MAST4: variants seen among roughly 807,000 people sequenced by gnomAD.
The protein encoded by MAST4 is microtubule-associated serine/threonine-protein kinase 4.
Under a neutral mutation model 162.7 loss-of-function variants are expected in MAST4, and 89 were observed. That is an observed-to-expected ratio of 0.55 (90% CI 0.46 to 0.65). The LOEUF (loss-of-function observed/expected upper bound fraction) is 0.65, where lower values mean the gene tolerates loss of function less well. Among genes scored for constraint, MAST4 ranks in the 30% least tolerant of loss-of-function variants. MAST4 has a pLI of 0.00. For missense variants in MAST4, 3,153 were observed against 3,374.0 expected, an observed-to-expected ratio of 0.93 and a Z score of 1.62; for synonymous variants, 1,479 against 1,361.1, an observed-to-expected ratio of 1.09 and a Z score of -1.91.
chr5:66,837,790 A>G (rs975386140), intron 3 of MAST4, among the ~76,000 whole-genome samples: 5 of 149,128 alleles, frequency 3.4e-5, no homozygotes, highest in African/African-American at 7.4e-5. Flanking sequence ...ATCCAAATGT[A>G]AGGTTTGACA....
At chr5:66,930,545 T>C (rs1051719362) in intron 4 of MAST4, among the ~76,000 whole-genome samples, 3 of 152,116 alleles carry the variant, frequency 2.0e-5, no homozygotes, top group African/African-American at 7.2e-5. Flanking sequence ...AGAACAAAGG[T>C]AAAGGATTTG....
chr5:66,930,305 C>G (rs1742041816), intron 4 of MAST4, among the ~76,000 whole-genome samples: 1 of 152,184 alleles, frequency 6.6e-6, no homozygotes, highest in Non-Finnish European at 1.5e-5. Flanking sequence ...AACATCTTGG[C>G]AGTAAAACAC....
chr5:66,747,128 G>GTA (rs934430850), intron 1 of MAST4, among the ~76,000 whole-genome samples: 7 of 144,780 alleles, frequency 4.8e-5, no homozygotes, highest in African/African-American at 1.6e-4. Flanking sequence ...GTGTGTGTGT[G>GTA]TGTATGTATG....
At chr5:67,028,004 G>T (rs1321742027) in intron 4 of MAST4, among the ~76,000 whole-genome samples, 1 of 152,188 alleles carries the variant, frequency 6.6e-6, no homozygotes, top group Non-Finnish European at 1.5e-5. Flanking sequence ...CTACCTTCTT[G>T]AACGCTTGCA....
chr5:66,631,442 T>G lies in MAST4; in HGVS notation c.363+34424T>G, dbSNP rs547519525. The stretch of plus-strand genomic sequence containing the variant: ...AAAATCTGAATCTCTTATTTCAATA[T>G]TGGGTCTTGCTGAGGAGGTAAGACA... On this transcript the variant is annotated intron_variant, in intron 1 of 28. Coordinates refer to ENST00000403625, the MANE Select transcript of MAST4 (RefSeq NM_001164664.2). Among the ~76,000 whole-genome samples the G allele has an allele frequency of 6.6e-5, 10 of 152,304 alleles. No homozygotes were observed. In the South Asian group the frequency reaches 2.1e-3, roughly 32 times the overall value.
At position 67,166,852 on chromosome 5, in the gene MAST4, G is replaced by A; in HGVS notation, c.7673G>A (p.Gly2558Glu). 1 of 1,606,106 alleles carries A rather than the reference G, an allele frequency of 6.2e-7. No individual in the cohort carries two copies. Among genetic ancestry groups the A allele is most frequent in the African/African-American group, 1.3e-5 (1 of 74,768 alleles). The change falls in exon 29 of 29, where the codon GGG (glycine) becomes GAG (glutamate). Residue 2558 changes from glycine to glutamate, a missense_variant. Coordinates refer to ENST00000403625, the MANE Select transcript of MAST4 (RefSeq NM_001164664.2). ...GCTCTCTCGGTGACTGCCACCGTAG[G>A]GGAAACCAAAGGGAAGGACCCTGCC... The part of the protein sequence containing the change: ...DRALSVTATV[G>E]ETKGKDPAPA...
chr5:66,673,913 A>G (rs1747788182), intron 1 of MAST4, among the ~76,000 whole-genome samples: 1 of 152,232 alleles, frequency 6.6e-6, no homozygotes, highest in African/African-American at 2.4e-5. Context: ...GTGGTCATCT[A>G]CATGAAACTA....
intron 23 of MAST4, among the ~76,000 whole-genome samples, chr5:67,146,288 A>G (rs1194993795): frequency 6.6e-6 from 1 of 152,232 alleles, no homozygotes; most frequent in Non-Finnish European, 1.5e-5. Flanking sequence ...TATATCATGG[A>G]TACTTGCTGG....
chr5:66,951,009 T>C (rs1469291544), intron 4 of MAST4, among the ~76,000 whole-genome samples: 2 of 152,208 alleles, frequency 1.3e-5, no homozygotes, highest in African/African-American at 4.8e-5. Flanking sequence ...TAGTGTTTTG[T>C]CATGTGAATG....
At chr5:66,785,857 T>A in intron 2 of MAST4, among the ~76,000 whole-genome samples, 1 of 152,176 alleles carries the variant, frequency 6.6e-6, no homozygotes, top group Non-Finnish European at 1.5e-5. Context: ...AATTATTTTG[T>A]TTTGTATTAT....
intron 12 of MAST4, chr5:67,115,200 T>G (rs1159271096): frequency 2.0e-5 from 3 of 152,204 alleles, no homozygotes; most frequent in Non-Finnish European, 1.5e-5. Flanking sequence ...TGTTCATGAT[T>G]GTTTAGGATT....
intron 4 of MAST4, among the ~76,000 whole-genome samples, chr5:67,041,930 G>A (rs1270819740): frequency 6.6e-6 from 1 of 152,176 alleles, no homozygotes; most frequent in Non-Finnish European, 1.5e-5. Context: ...GCCTAGCCAT[G>A]ATTATTGATA....
At chr5:66,638,472 G>A (rs1745272031) in intron 1 of MAST4, among the ~76,000 whole-genome samples, 1 of 152,154 alleles carries the variant, frequency 6.6e-6, no homozygotes, top group African/African-American at 2.4e-5. Flanking sequence ...GGGACCAGCA[G>A]TGTTTTAGGT....
chr5:67,102,292 A>G (rs1396476804), intron 8 of MAST4, among the ~76,000 whole-genome samples: 2 of 152,194 alleles, frequency 1.3e-5, no homozygotes. Flanking sequence ...TATTGTAACT[A>G]TGATGATTTT....
At chr5:67,095,739 G>T in intron 7 of MAST4, 64 bp downstream of exon 7, 2 of 1,242,624 alleles carry the variant, frequency 1.6e-6, no homozygotes, top group Non-Finnish European at 2.2e-6. Flanking sequence ...TACACAGGCA[G>T]TGTTTTCTCT....
chr5:66,704,494 T>TC (rs1749989181), intron 1 of MAST4, among the ~76,000 whole-genome samples: 1 of 134,380 alleles, frequency 7.4e-6, no homozygotes, highest in Non-Finnish European at 1.6e-5. Flanking sequence ...TTGTTGTTCT[T>TC]TTTTTTTTTT....
intron 1 of MAST4, among the ~76,000 whole-genome samples, chr5:66,676,870 C>G (rs1434453331): frequency 6.6e-6 from 1 of 152,192 alleles, no homozygotes; most frequent in Non-Finnish European, 1.5e-5. Flanking sequence ...CTCTTTCATA[C>G]TTTAAAAGAT....
chr5:67,164,471 G>A lies in MAST4; in HGVS notation c.5292G>A (p.Arg1764=), dbSNP rs1773626843. ...SFVPLKALTG[R]VDSGTEKPGL... is the part of the protein sequence containing the mutation. ...TTCCCCTCAAGGCCTTAACAGGCCG[G>A]GTGGACAGTGGAACGGAGAAGCCTG... is the stretch of plus-strand genomic sequence containing the variant. The change falls in exon 29 of 29, where the codon CGG becomes CGA. Residue 1764 remains arginine (R), a synonymous_variant. Transcript: ENST00000403625. This position sits in a 1 kb window ranked among gnomAD's most constrained non-coding sequence, Gnocchi z 5.3. The A allele has an allele frequency of 6.2e-7, 1 of 1,614,042 alleles. No individual in the cohort carries two copies. The highest frequency in any genetic ancestry group is 1.6e-4 in the Middle Eastern group (1 of 6,062).
intron 1 of MAST4, among the ~76,000 whole-genome samples, chr5:66,640,536 C>T (rs1187310540): frequency 1.3e-5 from 2 of 152,158 alleles, no homozygotes; most frequent in Admixed American, 1.3e-4. Context: ...TCTCTATCTC[C>T]TGACCTTGTG....
Sources: gnomAD v4.1 joint callset for allele counts (sites outside exome capture counted in the v4.1 genomes callset) on GRCh38, gnomAD v4.1.1 for gene constraint, Gnocchi (gnomAD v3.1) non-coding constraint, MANE v1.5 for transcripts, NCBI Gene and HGNC (gene_info 2026-07-23, HGNC 2026-07-21) for gene names.